Variants in OPA1 observed in about 807,000 individuals in gnomAD.
OPA1 encodes the protein dynamin-like GTPase OPA1, mitochondrial.
Under a neutral mutation model 152.9 loss-of-function variants are expected in OPA1, and 59 were observed. The ratio of observed to expected loss-of-function variants is 0.39; its 90% confidence interval spans 0.31 to 0.48. The LOEUF (loss-of-function observed/expected upper bound fraction) is 0.48. Among genes scored for constraint, OPA1 ranks in the 20% least tolerant of loss-of-function variants. The pLI is 0.96. For synonymous variants in OPA1, 400 were observed against 389.9 expected, an observed-to-expected ratio of 1.03 and a Z score of -0.31; for missense variants, 1,008 against 1,216.8, an observed-to-expected ratio of 0.83 and a Z score of 2.55.
rs138627962 is a variant in OPA1 at position 193,676,787 on chromosome 3, T to C, written c.2983+9507T>C. Among the ~76,000 whole-genome samples the C allele has an allele frequency of 1.4e-3, 218 of 152,244 alleles. 2 individuals carry two copies. The highest frequency in any genetic ancestry group is 3.4e-3 in the Middle Eastern group (1 of 294). ...CAAGGTCAGGAGATCCAGACCATCC[T>C]GGCTAACACAGTGAAACCCCGTCTC... On this transcript the variant is annotated intron_variant, in intron 29 of 30. Coordinates refer to ENST00000361510, the MANE Select transcript of OPA1 (RefSeq NM_130837.3).
Position 193,643,395 on chromosome 3 carries a change from G to A in OPA1, c.1328G>A (p.Gly443Asp). The change falls in exon 14 of 31, where the codon GGC (glycine) becomes GAC (aspartate). Residue 443 changes from glycine (G) to aspartate (D), a missense_variant. By Grantham distance (94) the Gly-to-Asp change is moderately conservative. This residue lies in a region of OPA1 where 213 missense variants were observed against 291.4 expected (regional missense o/e 0.73). Coordinates refer to ENST00000361510, the MANE Select transcript of OPA1 (RefSeq NM_130837.3). ...TAGACCATATCCTTAAATGTAAAAG[G>A]CCCTGGACTACAGAGGATGGTGCTT... ...SPETISLNVK[G>D]PGLQRMVLVD... 1.2e-6 allele frequency: 2 copies of A among 1,610,894 alleles called. No homozygotes were observed. Among genetic ancestry groups the A allele is most frequent in the Non-Finnish European group, 1.7e-6 (2 of 1,177,240 alleles).
At position 193,654,863 on chromosome 3, in the gene OPA1, G is replaced by A. The variant is rs1174134489; in HGVS notation, c.2014G>A (p.Glu672Lys). 6.2e-7 allele frequency: 1 copy of A among 1,613,530 alleles called. No individual in the cohort carries two copies. The highest frequency in any genetic ancestry group is 8.5e-7 in the Non-Finnish European group (1 of 1,179,738). The change falls in exon 22 of 31, where the codon GAG (glutamate) becomes AAG (lysine). Residue 672 changes from glutamate (E) to lysine (K), a missense_variant and splice_region_variant. By Grantham distance (56) the Glu-to-Lys change is moderately conservative. Around this residue, in one of 7 missense-constraint regions of OPA1, gnomAD observed 229 missense variants for 269.0 expected, o/e 0.85. Coordinates refer to ENST00000361510, the MANE Select transcript of OPA1 (RefSeq NM_130837.3). Reference protein sequence around the residue: ...SLSQVTPKHWEEILQQSLWER... With the variant: ...SLSQVTPKHWKEILQQSLWER... ...GCTTTTGATACTTTTTTATTTCAGG[G>A]AGGAAATCCTTCAACAATCTTTGTG... is the stretch of plus-strand genomic sequence containing the variant.
At chr3:193,688,444 CTTTTCTTTTTTTTTTTTTTT>C (rs1721223160) in intron 29 of OPA1, among the ~76,000 whole-genome samples, 2 of 38,520 alleles carry the variant, frequency 5.2e-5, no homozygotes, top group African/African-American at 6.9e-5. Flanking sequence ...TGAAATGGGT[CTTTTCTTTTTTTTTTTTTTT>C]TTTTTTTTTT....
intron 8 of OPA1, among the ~76,000 whole-genome samples, chr3:193,634,601 G>C (rs186150730): frequency 2.0e-5 from 3 of 152,134 alleles, no homozygotes; most frequent in Admixed American, 1.3e-4. Context: ...GTAGAGACAG[G>C]GTTTCACCAT....
intron 1 of OPA1, among the ~76,000 whole-genome samples, chr3:193,610,110 C>T (rs925743388): frequency 1.1e-4 from 16 of 152,194 alleles, no homozygotes; most frequent in Non-Finnish European, 1.9e-4. Flanking sequence ...AGGAGAGGTG[C>T]TCTGATTTTT....
intron 29 of OPA1, 27 bp downstream of exon 29, chr3:193,667,307 T>C (rs774269357): frequency 1.0e-5 from 10 of 968,786 alleles, no homozygotes; most frequent in African/African-American, 1.6e-5. Flanking sequence ...GCCCTCTACC[T>C]TACTACCTTT....
chr3:193,647,287 AG>A lies in OPA1; in HGVS notation c.1870+108del. 6.8e-6 allele frequency: 5 copies of A among 736,248 alleles called. No individual in the cohort carries two copies. The Admixed American group carries it at 1.0e-4, about 15-fold the overall frequency. The allele number at this position is 736,248 out of a possible 1,614,324, so 45.6% of individuals were successfully genotyped here. On this transcript the variant is annotated intron_variant, in intron 19 of 30. Coordinates refer to ENST00000361510, the MANE Select transcript of OPA1 (RefSeq NM_130837.3). ...TTCTTTCCTTTAACAGTTGCTTGGT[AG>A]TTCATTTACAATTAGACAGTATCTG...
intron 1 of OPA1, among the ~76,000 whole-genome samples, chr3:193,603,067 C>T (rs1726705646): frequency 6.6e-6 from 1 of 152,160 alleles, no homozygotes; most frequent in South Asian, 2.1e-4. Context: ...TTTGACAAGT[C>T]AAACATTGAT....
chr3:193,646,486 C>G (rs1340331935), intron 18 of OPA1: 1 of 152,394 alleles, frequency 6.6e-6, no homozygotes, highest in Non-Finnish European at 1.5e-5. Context: ...TTTTTAAAGG[C>G]ATGGTGGCTC....
intron 20 of OPA1, 177 bp from the exon 21 acceptor site, chr3:193,648,618 T>A: frequency 1.8e-6 from 1 of 560,064 alleles, no homozygotes; most frequent in South Asian, 2.0e-5. Flanking sequence ...TCTTTGTCCT[T>A]ATCTGCATAA....
intron 29 of OPA1, among the ~76,000 whole-genome samples, chr3:193,686,889 G>A (rs1281088042): frequency 6.6e-6 from 1 of 152,136 alleles, no homozygotes; most frequent in Non-Finnish European, 1.5e-5. Flanking sequence ...TTTGCTTAAA[G>A]TACACTGCAT....
At chr3:193,596,325 CCTTTCCTTTCCTTTTCTTTTCTTTT>C (rs1560301249) in intron 1 of OPA1, among the ~76,000 whole-genome samples, 4 of 121,686 alleles carry the variant, frequency 3.3e-5, no homozygotes, top group African/African-American at 1.2e-4. Context: ...CCTTTCCTTT[CCTTTCCTTTCCTTTTCTTTTCTTTT>C]CTTTTCTTTT....
chr3:193,619,957 A>G (rs1223424502), intron 6 of OPA1, among the ~76,000 whole-genome samples: 1 of 152,044 alleles, frequency 6.6e-6, no homozygotes, highest in Admixed American at 6.5e-5. Context: ...TTGGAGAAAA[A>G]TGTATGTCAA....
At chr3:193,669,414 TAGA>T (rs1224690466) in intron 29 of OPA1, among the ~76,000 whole-genome samples, 30 of 152,270 alleles carry the variant, frequency 2.0e-4, no homozygotes, top group Admixed American at 1.4e-3. Context: ...TGTGCTAACG[TAGA>T]AGATTAGTGC....
chr3:193,660,538 TATTTTC>T (rs1480235221), intron 25 of OPA1, among the ~76,000 whole-genome samples: 1 of 152,230 alleles, frequency 6.6e-6, no homozygotes, highest in East Asian at 1.9e-4. Flanking sequence ...CTTTATTTTA[TATTTTC>T]ATTTTCATTT....
intron 29 of OPA1, among the ~76,000 whole-genome samples, chr3:193,684,764 A>G (rs1720705971): frequency 6.6e-6 from 1 of 151,826 alleles, no homozygotes; most frequent in Non-Finnish European, 1.5e-5. Context: ...TACTATTTTT[A>G]TTAGTTAAGT....
chr3:193,629,542 C>T (rs1440691456), intron 7 of OPA1, among the ~76,000 whole-genome samples: 1 of 151,350 alleles, frequency 6.6e-6, no homozygotes, highest in Non-Finnish European at 1.5e-5. Context: ...ACTAAAAATA[C>T]AAAAAAAATT....
chr3:193,635,104 G>A (rs1343273252), intron 8 of OPA1, among the ~76,000 whole-genome samples: 1 of 152,144 alleles, frequency 6.6e-6, no homozygotes, highest in Non-Finnish European at 1.5e-5. Flanking sequence ...CTCCCTTCTA[G>A]AATGTATTTA....
chr3:193,652,777 CAG>C (rs980954069), intron 21 of OPA1, among the ~76,000 whole-genome samples: 1 of 152,018 alleles, frequency 6.6e-6, no homozygotes. Flanking sequence ...GAGTCTGAGA[CAG>C]AGGACAGCAG....
Sources: gnomAD v4.1 joint callset for allele counts (sites outside exome capture counted in the v4.1 genomes callset) on GRCh38, gnomAD v4.1.1 for gene constraint, gnomAD v4.1.1 regional missense constraint, MANE v1.5 for transcripts, NCBI Gene and HGNC (gene_info 2026-07-23, HGNC 2026-07-21) for gene names.